KCNIP4: variants seen among roughly 807,000 people sequenced by gnomAD.
KCNIP4 encodes the protein potassium voltage-gated channel interacting protein 4, also known as Kv channel-interacting protein 4.
A neutral mutation model predicts 34.0 loss-of-function variants in KCNIP4; 12 were observed. The observed-to-expected ratio is 0.35, with a 90% CI of 0.23 to 0.57. The LOEUF is 0.57. Ranked by LOEUF, KCNIP4 falls within the 20% of genes least tolerant of loss-of-function variation. The pLI is 0.83. For missense variants in KCNIP4, 238 were observed against 311.7 expected (o/e 0.76, Z 1.78); for synonymous variants, 124 against 102.2 (o/e 1.21, Z -1.29).
intron 1 of KCNIP4, among the ~76,000 whole-genome samples, chr4:21,274,880 GATTT>G (rs1214118557): frequency 2.4e-5 from 2 of 82,836 alleles, no homozygotes; most frequent in Non-Finnish European, 5.5e-5. Flanking sequence ...TTGTTAATTT[GATTT>G]TTTTTCTTCT....
intron 1 of KCNIP4, among the ~76,000 whole-genome samples, chr4:21,869,258 C>T (rs1424350431): frequency 6.6e-6 from 1 of 152,118 alleles, no homozygotes; most frequent in Admixed American, 6.6e-5. Context: ...TCCTGTGGTC[C>T]TCTTATAGCT....
At position 21,312,406 on chromosome 4, in the gene KCNIP4, G is replaced by T. The variant is rs191268790; in HGVS notation, c.62-429697C>A. Among the ~76,000 whole-genome samples the T allele has an allele frequency of 5.2e-3, 798 of 152,210 alleles. 8 individuals carry two copies. The highest frequency in any genetic ancestry group is 0.019 in the African/African-American group (780 of 41,518). On this transcript the variant is annotated intron_variant, in intron 1 of 8. Transcript: ENST00000382152. ...CCCTGGATCTCCATTTTTCTCAAAAGTTCTAATGATTCTTATGCAGGACTT... is the reference window on the plus strand; with the variant it reads ...CCCTGGATCTCCATTTTTCTCAAAATTTCTAATGATTCTTATGCAGGACTT...
At chr4:21,569,267 C>CAAAAAAAAAAAAA (rs1740172951) in intron 1 of KCNIP4, among the ~76,000 whole-genome samples, 4 of 40,352 alleles carry the variant, frequency 9.9e-5, no homozygotes, top group African/African-American at 3.2e-4. Context: ...AAAAAAAAAG[C>CAAAAAAAAAAAAA]TTGATTGACA....
intron 1 of KCNIP4, among the ~76,000 whole-genome samples, chr4:20,955,363 T>A (rs1023153691): frequency 6.6e-6 from 1 of 152,218 alleles, no homozygotes; most frequent in Non-Finnish European, 1.5e-5. Flanking sequence ...TCTACTTTCC[T>A]CTTATCTAGA....
chr4:21,850,029 G>A (rs1245650842), intron 1 of KCNIP4: 1 of 152,038 alleles, frequency 6.6e-6, no homozygotes, highest in East Asian at 1.9e-4. Context: ...TTCAACTGGT[G>A]AAAATAGTAA....
intron 1 of KCNIP4, among the ~76,000 whole-genome samples, chr4:21,745,337 G>C (rs924460792): frequency 6.6e-6 from 1 of 152,134 alleles, no homozygotes; most frequent in African/African-American, 2.4e-5. Flanking sequence ...TCAGAAAGTA[G>C]TAGCTACTCT....
chr4:21,308,078 C>T (rs1388753562), intron 1 of KCNIP4, among the ~76,000 whole-genome samples: 1 of 152,174 alleles, frequency 6.6e-6, no homozygotes, highest in African/African-American at 2.4e-5. Flanking sequence ...ACCTTCAAGT[C>T]GCAGCGTGGA....
At chr4:21,372,254 A>T (rs185705828) in intron 1 of KCNIP4, among the ~76,000 whole-genome samples, 1 of 147,078 alleles carries the variant, frequency 6.8e-6, no homozygotes, top group Non-Finnish European at 1.5e-5. Context: ...TTATGTATCC[A>T]TTTATAATTT....
At chr4:20,793,033 T>A (rs1269016069) in intron 3 of KCNIP4, among the ~76,000 whole-genome samples, 1 of 152,150 alleles carries the variant, frequency 6.6e-6, no homozygotes, top group Non-Finnish European at 1.5e-5. Context: ...TTAAAAAATA[T>A]ACCAACCCTG....
At chr4:20,792,397 A>G (rs1040074019) in intron 3 of KCNIP4, among the ~76,000 whole-genome samples, 1 of 151,966 alleles carries the variant, frequency 6.6e-6, no homozygotes, top group African/African-American at 2.4e-5. Context: ...ACCCAAAGCA[A>G]ACAACAACAA....
chr4:21,885,322 C>T (rs938011446), intron 1 of KCNIP4, among the ~76,000 whole-genome samples: 5 of 152,040 alleles, frequency 3.3e-5, no homozygotes, highest in Non-Finnish European at 7.4e-5. Flanking sequence ...TAGAACTGAA[C>T]ATTGTTCTAT....
chr4:20,905,213 G>C (rs560015391), intron 1 of KCNIP4, among the ~76,000 whole-genome samples: 1 of 152,228 alleles, frequency 6.6e-6, no homozygotes, highest in South Asian at 2.1e-4. Context: ...TACTTTCAAG[G>C]CCTCTCTTTT....
intron 1 of KCNIP4, among the ~76,000 whole-genome samples, chr4:21,271,845 A>G (rs759379816): frequency 3.3e-5 from 5 of 152,190 alleles, no homozygotes; most frequent in African/African-American, 4.8e-5. Flanking sequence ...TTTATCGAGA[A>G]TGGGAAAGCA....
intron 1 of KCNIP4, among the ~76,000 whole-genome samples, chr4:21,824,805 A>G (rs1578036329): frequency 6.6e-6 from 1 of 152,122 alleles, no homozygotes; most frequent in Non-Finnish European, 1.5e-5. Flanking sequence ...GTTACACCAG[A>G]TGCTAGAGAC....
At chr4:21,905,086 A>G (rs929057145) in intron 1 of KCNIP4, among the ~76,000 whole-genome samples, 1 of 152,230 alleles carries the variant, frequency 6.6e-6, no homozygotes, top group Non-Finnish European at 1.5e-5. Context: ...CTGCTCAAAG[A>G]GGAGCCAGAT....
intron 1 of KCNIP4, among the ~76,000 whole-genome samples, chr4:21,042,687 G>A (rs919387593): frequency 2.6e-5 from 4 of 152,086 alleles, no homozygotes; most frequent in Non-Finnish European, 5.9e-5. Flanking sequence ...AGACGTTTAG[G>A]AATGATCTCA....
intron 1 of KCNIP4, among the ~76,000 whole-genome samples, chr4:21,725,473 A>C (rs554117954): frequency 3.1e-4 from 47 of 152,172 alleles, no homozygotes; most frequent in Non-Finnish European, 5.7e-4. Flanking sequence ...GAGAAAAGAC[A>C]AGAGACATTC....
At chr4:21,909,028 T>C (rs1728155031) in intron 1 of KCNIP4, among the ~76,000 whole-genome samples, 1 of 152,000 alleles carries the variant, frequency 6.6e-6, no homozygotes, top group African/African-American at 2.4e-5. Flanking sequence ...TACCTGAAAA[T>C]TAAACTTCAG....
intron 1 of KCNIP4, among the ~76,000 whole-genome samples, chr4:20,949,951 A>G (rs1732602244): frequency 6.6e-6 from 1 of 151,122 alleles, no homozygotes; most frequent in African/African-American, 2.4e-5. Flanking sequence ...TGGCACATGT[A>G]TACATATGTA....
Sources: gnomAD v4.1 joint callset for allele counts (sites outside exome capture counted in the v4.1 genomes callset) on GRCh38, gnomAD v4.1.1 for gene constraint, MANE v1.5 for transcripts, NCBI Gene and HGNC (gene_info 2026-07-23, HGNC 2026-07-21) for gene names.